The following NKAIN3 variants were observed in gnomAD, a reference collection of about 807,000 sequenced individuals.
NKAIN3 encodes sodium/potassium-transporting ATPase subunit beta-1-interacting protein 3.
Under a neutral mutation model 30.2 loss-of-function variants are expected in NKAIN3, and 25 were observed. That is an observed-to-expected ratio of 0.83 (90% CI 0.60 to 1.16). NKAIN3 has a LOEUF of 1.16. NKAIN3 is among the 50% of genes most tolerant of loss of function. The pLI is 0.00. For synonymous variants in NKAIN3, 91 were observed against 89.6 expected, an observed-to-expected ratio of 1.02 and a Z score of -0.09; for missense variants, 225 against 254.1, an observed-to-expected ratio of 0.89 and a Z score of 0.78.
Position 62,811,659 on chromosome 8 carries a change from T to C in NKAIN3, c.471+64530T>C, listed in dbSNP as rs569074487. On this transcript the variant is annotated intron_variant, in intron 4 of 6. Coordinates refer to ENST00000623646, the MANE Select transcript of NKAIN3 (RefSeq NM_001304533.3). ...ATATGTTTTTTGTGCTTATCTGCCA[T>C]CGGTGTATCCTCTTTGGTAAAATGT... 2.0e-5 allele frequency among the ~76,000 whole-genome samples: 3 copies of C among 152,134 alleles called. No individual in the cohort carries two copies. In the East Asian group the frequency reaches 5.8e-4, roughly 29 times the overall value.
chr8:62,302,706 A>C (rs1485084066), intron 1 of NKAIN3, among the ~76,000 whole-genome samples: 3 of 152,052 alleles, frequency 2.0e-5, no homozygotes, highest in Non-Finnish European at 4.4e-5. Context: ...TTCAGAGGTG[A>C]AAAAGCTGTC....
At chr8:62,294,236 G>A (rs1813753815) in intron 1 of NKAIN3, among the ~76,000 whole-genome samples, 1 of 152,120 alleles carries the variant, frequency 6.6e-6, no homozygotes, top group Non-Finnish European at 1.5e-5. Context: ...TGTCTGACAA[G>A]CCCCAGTGAG....
chr8:62,409,669 G>A (rs1353576733), intron 1 of NKAIN3, among the ~76,000 whole-genome samples: 1 of 151,752 alleles, frequency 6.6e-6, no homozygotes, highest in Non-Finnish European at 1.5e-5. Flanking sequence ...TATTTAAAAT[G>A]TTATTTTATC....
intron 1 of NKAIN3, among the ~76,000 whole-genome samples, chr8:62,429,030 C>G (rs1401378646): frequency 6.6e-6 from 1 of 151,860 alleles, no homozygotes; most frequent in Non-Finnish European, 1.5e-5. Flanking sequence ...AGGGGTCTAG[C>G]TTCATTCTTC....
At chr8:62,854,872 G>A (rs765168795) in intron 4 of NKAIN3, among the ~76,000 whole-genome samples, 100 of 152,060 alleles carry the variant, frequency 6.6e-4, no homozygotes, top group Non-Finnish European at 1.3e-3. Flanking sequence ...TCCTTCATAC[G>A]CTCCTGTAAG....
chr8:62,461,311 C>G (rs1478542368), intron 1 of NKAIN3, among the ~76,000 whole-genome samples: 1 of 152,208 alleles, frequency 6.6e-6, no homozygotes, highest in Non-Finnish European at 1.5e-5. Context: ...AGTCATCAAA[C>G]AAACACAACT....
At chr8:62,478,285 A>G (rs929814782) in intron 1 of NKAIN3, among the ~76,000 whole-genome samples, 4 of 152,214 alleles carry the variant, frequency 2.6e-5, no homozygotes, top group African/African-American at 9.7e-5. Context: ...AACCAAGGTG[A>G]CACAGGTCCA....
intron 1 of NKAIN3, among the ~76,000 whole-genome samples, chr8:62,515,983 C>T (rs1375104213): frequency 6.6e-6 from 1 of 151,784 alleles, no homozygotes; most frequent in African/African-American, 2.4e-5. Flanking sequence ...TAAATCTTTC[C>T]CAGTCTGTGA....
chr8:62,331,260 C>G (rs1257383644), intron 1 of NKAIN3, among the ~76,000 whole-genome samples: 1 of 151,452 alleles, frequency 6.6e-6, no homozygotes, highest in Non-Finnish European at 1.5e-5. Context: ...CCCTCCTGTC[C>G]CCAGCTAACT....
chr8:62,506,650 T>C (rs949564011), intron 1 of NKAIN3, among the ~76,000 whole-genome samples: 1 of 151,834 alleles, frequency 6.6e-6, no homozygotes, highest in Admixed American at 6.6e-5. Context: ...GAGTTTTGTA[T>C]TTTTAGTAGA....
chr8:62,299,742 T>A (rs1813978715), intron 1 of NKAIN3, among the ~76,000 whole-genome samples: 1 of 152,142 alleles, frequency 6.6e-6, no homozygotes, highest in South Asian at 2.1e-4. Context: ...TATAGTCTAC[T>A]AAAATAGGTA....
At chr8:62,716,425 A>G (rs1230092375) in intron 3 of NKAIN3, among the ~76,000 whole-genome samples, 1 of 152,200 alleles carries the variant, frequency 6.6e-6, no homozygotes, top group Non-Finnish European at 1.5e-5. Flanking sequence ...AGGGTGCTTC[A>G]TTAGCCTTTT....
intron 4 of NKAIN3, among the ~76,000 whole-genome samples, chr8:62,763,519 A>G (rs1230730490): frequency 6.6e-6 from 1 of 152,220 alleles, no homozygotes; most frequent in Non-Finnish European, 1.5e-5. Flanking sequence ...TAAATTCAAG[A>G]AAATATTTGC....
intron 1 of NKAIN3, among the ~76,000 whole-genome samples, chr8:62,252,381 T>C (rs1812135411): frequency 6.6e-6 from 1 of 152,252 alleles, no homozygotes. Flanking sequence ...TCCCATTTTG[T>C]CTGAACTACT....
chr8:62,316,466 C>G (rs900829503), intron 1 of NKAIN3, among the ~76,000 whole-genome samples: 1 of 150,390 alleles, frequency 6.6e-6, no homozygotes, highest in Non-Finnish European at 1.5e-5. Flanking sequence ...CTGTGATGTT[C>G]CCCTTCCTGT....
rs188833058 is a variant in NKAIN3, at chr8:62,632,617, C to A, written c.273+42823C>A. ...TTCCAGGTTCAAGCGATTCTCCTTCCTCAGCCTCCCGAGTAGCTGGGATTA... is the reference window on the plus strand; with the variant it reads ...TTCCAGGTTCAAGCGATTCTCCTTCATCAGCCTCCCGAGTAGCTGGGATTA... On this transcript the variant is annotated intron_variant, in intron 3 of 6. Coordinates refer to ENST00000623646, the MANE Select transcript of NKAIN3 (RefSeq NM_001304533.3). 5.4e-3 allele frequency among the ~76,000 whole-genome samples: 827 copies of A among 152,136 alleles called. 7 individuals carry two copies. The highest frequency in any genetic ancestry group is 0.018 in the African/African-American group (749 of 41,506).
At chr8:62,260,977 G>A (rs891791934) in intron 1 of NKAIN3, among the ~76,000 whole-genome samples, 1 of 152,070 alleles carries the variant, frequency 6.6e-6, no homozygotes, top group Admixed American at 6.6e-5. Flanking sequence ...TGTACATCCA[G>A]TGACATCATA....
intron 3 of NKAIN3, among the ~76,000 whole-genome samples, chr8:62,729,895 A>G (rs1484943414): frequency 6.6e-6 from 1 of 152,228 alleles, no homozygotes; most frequent in African/African-American, 2.4e-5. Flanking sequence ...GTGACAAAGC[A>G]AGGATAAATG....
intron 6 of NKAIN3, among the ~76,000 whole-genome samples, chr8:62,962,864 T>C (rs905671352): frequency 2.0e-5 from 3 of 152,190 alleles, no homozygotes; most frequent in African/African-American, 7.2e-5. Flanking sequence ...GCGTAGAGAT[T>C]CATAATACTA....
Sources: gnomAD v4.1 joint callset for allele counts (sites outside exome capture counted in the v4.1 genomes callset) on GRCh38, gnomAD v4.1.1 for gene constraint, MANE v1.5 for transcripts, NCBI Gene and HGNC (gene_info 2026-07-23, HGNC 2026-07-21) for gene names.